Variants in CSMD1 observed in about 807,000 individuals in gnomAD.
CSMD1 encodes CUB and sushi domain-containing protein 1.
A neutral mutation model predicts 417.5 loss-of-function variants in CSMD1; 213 were observed. That is an observed-to-expected ratio of 0.51 (90% CI 0.46 to 0.57). The LOEUF (loss-of-function observed/expected upper bound fraction) is 0.57, where lower values mean the gene tolerates loss of function less well. Ranked by LOEUF, CSMD1 falls within the 20% of genes least tolerant of loss-of-function variation. CSMD1 has a pLI of 0.00. For synonymous variants in CSMD1, 2,862 were observed against 1,736.8 expected, an observed-to-expected ratio of 1.65 and a Z score of -16.11; for missense variants, 6,923 against 4,529.7, an observed-to-expected ratio of 1.53 and a Z score of -15.17.
At chr8:4,071,156 A>G (rs1301225320) in intron 3 of CSMD1, among the ~76,000 whole-genome samples, 1 of 151,556 alleles carries the variant, frequency 6.6e-6, no homozygotes, top group East Asian at 1.9e-4. Flanking sequence ...AATGTCATCC[A>G]TTAGTACATT....
intron 23 of CSMD1, among the ~76,000 whole-genome samples, chr8:3,319,979 C>T (rs555955346): frequency 6.6e-6 from 1 of 152,102 alleles, no homozygotes; most frequent in African/African-American, 2.4e-5. Context: ...TAAGTCTCTA[C>T]CAGTGGCTTA....
At chr8:3,242,122 G>A (rs1799575600) in intron 26 of CSMD1, among the ~76,000 whole-genome samples, 2 of 151,302 alleles carry the variant, frequency 1.3e-5, no homozygotes, top group African/African-American at 4.9e-5. Flanking sequence ...CCTTGACTAT[G>A]CCTTTAGCTC....
chr8:3,577,689 C>T (rs530444123), intron 9 of CSMD1, among the ~76,000 whole-genome samples: 2 of 152,252 alleles, frequency 1.3e-5, no homozygotes, highest in East Asian at 1.9e-4. Flanking sequence ...TAATTCTAAC[C>T]CTCCTTCTTA....
At chr8:3,904,731 G>T (rs142333545) in intron 5 of CSMD1, among the ~76,000 whole-genome samples, 3 of 150,288 alleles carry the variant, frequency 2.0e-5, no homozygotes, top group African/African-American at 7.4e-5. Flanking sequence ...CGGCCTCCCG[G>T]GTTCAAGTGA....
At chr8:3,541,218 C>A (rs568586475) in intron 10 of CSMD1, among the ~76,000 whole-genome samples, 2 of 152,232 alleles carry the variant, frequency 1.3e-5, no homozygotes, top group East Asian at 1.9e-4. Context: ...AATGAGATCA[C>A]GTGCTTTGCA....
chr8:3,109,944 C>G (rs1489723923), intron 43 of CSMD1, among the ~76,000 whole-genome samples: 3 of 152,048 alleles, frequency 2.0e-5, no homozygotes, highest in Admixed American at 2.0e-4. Context: ...TGCAGACACA[C>G]AGACATAATT....
chr8:4,449,331 A>C (rs1412213445), intron 2 of CSMD1, among the ~76,000 whole-genome samples: 1 of 152,168 alleles, frequency 6.6e-6, no homozygotes, highest in Non-Finnish European at 1.5e-5. Context: ...ATCTGTCTTC[A>C]TTGGTTTTAA....
At chr8:3,167,317 C>T (rs1353714208) in intron 37 of CSMD1, among the ~76,000 whole-genome samples, 1 of 144,990 alleles carries the variant, frequency 6.9e-6, no homozygotes, top group Non-Finnish European at 1.5e-5. Context: ...AAAGGTGGTT[C>T]ACAAACTATT....
chr8:4,420,461 C>A (rs1238652665), intron 2 of CSMD1, among the ~76,000 whole-genome samples: 1 of 152,024 alleles, frequency 6.6e-6, no homozygotes, highest in East Asian at 1.9e-4. Context: ...TGGTTTGCTG[C>A]ACCTCTCAAC....
chr8:3,933,957 G>A (rs1393210145), intron 5 of CSMD1, among the ~76,000 whole-genome samples: 2 of 152,154 alleles, frequency 1.3e-5, no homozygotes, highest in East Asian at 3.9e-4. Flanking sequence ...CCTAGGCAGG[G>A]ACCACACAGT....
intron 3 of CSMD1, among the ~76,000 whole-genome samples, chr8:4,061,672 G>T (rs926739925): frequency 2.0e-5 from 3 of 152,162 alleles, no homozygotes; most frequent in Admixed American, 6.5e-5. Flanking sequence ...TTTCGTGATG[G>T]TGTGAAATAT....
At position 4,274,050 on chromosome 8, in the gene CSMD1, G is replaced by A. The variant is rs151015451; in HGVS notation, c.415+145903C>T. Reference sequence around the variant, plus strand: ...CACTTAAAATAAATGCAGAGTTGAAGTAAGAAACTGTGACTTTATTGTAAT... The same window carrying A: ...CACTTAAAATAAATGCAGAGTTGAAATAAGAAACTGTGACTTTATTGTAAT... On this transcript the variant is annotated intron_variant, in intron 3 of 69. Coordinates refer to ENST00000635120, the MANE Select transcript of CSMD1 (RefSeq NM_033225.6). Among the ~76,000 whole-genome samples the A allele has an allele frequency of 2.2e-3, 341 of 152,216 alleles. 1 individual carries two copies. Among genetic ancestry groups the A allele is most frequent in the African/African-American group, 7.7e-3 (321 of 41,560 alleles).
rs78969985 is a variant in CSMD1 at position 3,725,955 on chromosome 8, C to G, written c.932-17464G>C. ...GACCTAATGACTCGCAAGCAATGAACAGAAAAAACAGTGGAAGTAATTGTG... is the reference window on the plus strand; with the variant it reads ...GACCTAATGACTCGCAAGCAATGAAGAGAAAAAACAGTGGAAGTAATTGTG... On this transcript the variant is annotated intron_variant, in intron 6 of 69. Transcript: ENST00000635120. Among the ~76,000 whole-genome samples the G allele has an allele frequency of 2.0e-5, 3 of 152,162 alleles. No homozygotes were observed. The East Asian group carries it at 5.8e-4, about 30-fold the overall frequency.
intron 5 of CSMD1, among the ~76,000 whole-genome samples, chr8:3,788,750 G>A (rs532752480): frequency 2.0e-5 from 3 of 152,306 alleles, no homozygotes; most frequent in East Asian, 1.9e-4. Context: ...CATCCATGCA[G>A]TTGTTCCATT....
intron 5 of CSMD1, among the ~76,000 whole-genome samples, chr8:3,914,611 G>A (rs1001539428): frequency 6.6e-6 from 1 of 152,118 alleles, no homozygotes; most frequent in Non-Finnish European, 1.5e-5. Context: ...GTACCAGCTA[G>A]CATTAAATGA....
chr8:3,513,253 G>T (rs930484812), intron 10 of CSMD1, among the ~76,000 whole-genome samples: 1 of 151,452 alleles, frequency 6.6e-6, no homozygotes, highest in African/African-American at 2.4e-5. Context: ...TCCCCTATTT[G>T]GAAATTATTT....
intron 1 of CSMD1, among the ~76,000 whole-genome samples, chr8:4,817,066 T>A (rs777301664): frequency 2.6e-5 from 4 of 152,190 alleles, no homozygotes; most frequent in Non-Finnish European, 5.9e-5. Context: ...TATGAAGAAC[T>A]AGACCATGTA....
intron 1 of CSMD1, among the ~76,000 whole-genome samples, chr8:4,852,673 G>C (rs1313007486): frequency 6.6e-6 from 1 of 152,188 alleles, no homozygotes; most frequent in African/African-American, 2.4e-5. Context: ...GAAGAGTTTG[G>C]AGGACTCAAA....
intron 2 of CSMD1, among the ~76,000 whole-genome samples, chr8:4,560,008 G>C (rs186766337): frequency 2.6e-5 from 4 of 152,330 alleles, no homozygotes; most frequent in African/African-American, 4.8e-5. Context: ...AAGAGAAACT[G>C]TGGTCAGAAA....
Sources: gnomAD v4.1 joint callset for allele counts (sites outside exome capture counted in the v4.1 genomes callset) on GRCh38, gnomAD v4.1.1 for gene constraint, MANE v1.5 for transcripts, NCBI Gene and HGNC (gene_info 2026-07-23, HGNC 2026-07-21) for gene names.